Variants in NETO1 observed in about 807,000 individuals in gnomAD.
The protein encoded by NETO1 is neuropilin and tolloid like 1.
NETO1 carries 26 observed loss-of-function variants against 61.3 expected under a neutral mutation model. The ratio of observed to expected loss-of-function variants is 0.42; its 90% CI spans 0.31 to 0.59. The LOEUF (loss-of-function observed/expected upper bound fraction) is 0.59, where lower values mean the gene tolerates loss of function less well. Among genes scored for constraint, NETO1 ranks in the 20% least tolerant of loss-of-function variants. The pLI is 0.12. For missense variants in NETO1, 531 were observed against 662.8 expected (o/e 0.80, Z 2.18); for synonymous variants, 225 against 225.8 (o/e 1.00, Z 0.03).
chr18:72,853,982 G>GA (rs1476331373), intron 4 of NETO1, among the ~76,000 whole-genome samples: 1 of 151,972 alleles, frequency 6.6e-6, no homozygotes, highest in East Asian at 1.9e-4. Flanking sequence ...ATCCAAAGAG[G>GA]AAAAATATTG....
chr18:72,831,119 T>C (rs886402597), intron 4 of NETO1, among the ~76,000 whole-genome samples: 1 of 152,160 alleles, frequency 6.6e-6, no homozygotes, highest in African/African-American at 2.4e-5. Context: ...ACAGCCCATC[T>C]ATTCACTTGC....
intron 7 of NETO1, among the ~76,000 whole-genome samples, chr18:72,777,498 T>C (rs773943654): frequency 4.0e-5 from 6 of 151,012 alleles, no homozygotes; most frequent in South Asian, 2.1e-4. Flanking sequence ...TCCCAGCACT[T>C]TGGGATGCCG....
At position 72,794,171 on chromosome 18, in the gene NETO1, A is replaced by G. The variant is rs1428734584; in HGVS notation, c.585T>C (p.Thr195=). ...ACTTGCAATCAACAGCCTCGCTAGC[A>G]GTAGCTTTGCCTTCCTTCATAATTT... The part of the protein sequence containing the change: ...SIQIMKEGKA[T]ASEAVDCKWY... The change falls in exon 6 of 11, where the codon ACT becomes ACC. Residue 195 remains threonine (T), a synonymous_variant. Coordinates refer to ENST00000327305, the MANE Select transcript of NETO1 (RefSeq NM_138966.5). 6.2e-7 allele frequency: 1 copy of G among 1,614,188 alleles called. No individual in the cohort carries two copies. Among genetic ancestry groups the G allele is most frequent in the Non-Finnish European group, 8.5e-7 (1 of 1,180,032 alleles).
chr18:72,782,461 C>CT (rs1340183582), intron 7 of NETO1, among the ~76,000 whole-genome samples: 1 of 152,096 alleles, frequency 6.6e-6, no homozygotes, highest in Non-Finnish European at 1.5e-5. Context: ...TAAGTGTTCC[C>CT]TTTTTTCCCA....
At chr18:72,843,630 C>A (rs570577826) in intron 4 of NETO1, among the ~76,000 whole-genome samples, 1 of 152,280 alleles carries the variant, frequency 6.6e-6, no homozygotes, top group East Asian at 1.9e-4. Context: ...ACCAAGAAAG[C>A]TCCTTTTTTG....
chr18:72,758,353 C>G (rs1568175144), intron 7 of NETO1, among the ~76,000 whole-genome samples: 1 of 138,898 alleles, frequency 7.2e-6, no homozygotes, highest in Non-Finnish European at 1.6e-5. Flanking sequence ...TAGGAGTTAG[C>G]CTCCCTTTTG....
chr18:72,771,080 A>T (rs554550973), intron 7 of NETO1, among the ~76,000 whole-genome samples: 4 of 152,264 alleles, frequency 2.6e-5, no homozygotes, highest in African/African-American at 9.6e-5. Context: ...TTCCCTTAGG[A>T]TCCATTAAAT....
rs1426146242 is a variant in NETO1, at chr18:72,834,531, ATATAT to A, written c.469+24290_469+24294del. On this transcript the variant is annotated intron_variant, in intron 4 of 10. Coordinates refer to ENST00000327305, the MANE Select transcript of NETO1 (RefSeq NM_138966.5). ...TCAACTATTCTGAATATTAATTACTATATATAATATAAAAGCAATGAAAATCATGT... is the reference window on the plus strand; with the variant it reads ...TCAACTATTCTGAATATTAATTACTAAATATAAAAGCAATGAAAATCATGT... The A allele has an allele frequency of 4.2e-6, 4 of 958,604 alleles. No homozygotes were observed. In the African/African-American group the frequency reaches 7.1e-5, roughly 17 times the overall value. 59.4% of individuals were successfully genotyped at this position (958,604 alleles called of 1,614,324 possible). A position where few individuals can be genotyped will look rare whatever the true frequency, so the allele number is the denominator to read the frequency against.
intron 3 of NETO1, among the ~76,000 whole-genome samples, chr18:72,864,487 A>G (rs944436031): frequency 6.6e-6 from 1 of 152,242 alleles, no homozygotes; most frequent in African/African-American, 2.4e-5. Flanking sequence ...TCTCACACTT[A>G]CACAGTTAAT....
At chr18:72,761,928 C>T (rs2070987613) in intron 7 of NETO1, among the ~76,000 whole-genome samples, 1 of 152,146 alleles carries the variant, frequency 6.6e-6, no homozygotes, top group Admixed American at 6.6e-5. Context: ...CAGGGCCTTG[C>T]ACCCACTGAA....
At chr18:72,766,229 TGTGTG>T in intron 7 of NETO1, among the ~76,000 whole-genome samples, 1 of 118,820 alleles carries the variant, frequency 8.4e-6, no homozygotes, top group African/African-American at 2.9e-5. Flanking sequence ...TATGTGTGTG[TGTGTG>T]TGTGTGTGTG....
chr18:72,803,131 C>A (rs2072562158), intron 4 of NETO1, among the ~76,000 whole-genome samples: 1 of 152,110 alleles, frequency 6.6e-6, no homozygotes, highest in African/African-American at 2.4e-5. Context: ...AAACAACCGA[C>A]AATATTTGTT....
chr18:72,859,648 C>T (rs2074508834), intron 3 of NETO1, among the ~76,000 whole-genome samples: 1 of 152,126 alleles, frequency 6.6e-6, no homozygotes, highest in Admixed American at 6.5e-5. Context: ...ACACATTATC[C>T]GTTAAGAATA....
chr18:72,823,993 CTGACT>C (rs369610287), intron 4 of NETO1, among the ~76,000 whole-genome samples: 25 of 152,282 alleles, frequency 1.6e-4, no homozygotes, highest in African/African-American at 5.8e-4. Context: ...GTGACTTGGC[CTGACT>C]TGCGTTTTCA....
chr18:72,856,634 G>T (rs149691253), intron 4 of NETO1, among the ~76,000 whole-genome samples: 1,615 of 152,184 alleles, frequency 0.011, 11 homozygotes, highest in Non-Finnish European at 0.017. Context: ...CAAAATTTAC[G>T]TGATGCAAAG....
chr18:72,831,593 C>T (rs945010289), intron 4 of NETO1, among the ~76,000 whole-genome samples: 4 of 152,192 alleles, frequency 2.6e-5, no homozygotes, highest in Admixed American at 6.5e-5. Flanking sequence ...CACCCTCTCC[C>T]AATATACTTT....
chr18:72,804,831 T>C (rs1033315479), intron 4 of NETO1, among the ~76,000 whole-genome samples: 2 of 152,178 alleles, frequency 1.3e-5, no homozygotes, highest in African/African-American at 4.8e-5. Flanking sequence ...AAAACAATAG[T>C]TTTCCCCAAA....
chr18:72,824,635 C>T (rs774015336), intron 4 of NETO1, among the ~76,000 whole-genome samples: 25 of 151,538 alleles, frequency 1.6e-4, no homozygotes, highest in South Asian at 2.1e-4. Flanking sequence ...GAGGCCGAGG[C>T]GGGCAGATCA....
intron 4 of NETO1, among the ~76,000 whole-genome samples, chr18:72,813,142 G>A (rs1343280737): frequency 2.0e-5 from 3 of 152,080 alleles, no homozygotes; most frequent in African/African-American, 7.2e-5. Context: ...ATGATAAGAG[G>A]GACGATGCCT....
Sources: gnomAD v4.1 joint callset for allele counts (sites outside exome capture counted in the v4.1 genomes callset) on GRCh38, gnomAD v4.1.1 for gene constraint, MANE v1.5 for transcripts, NCBI Gene and HGNC (gene_info 2026-07-23, HGNC 2026-07-21) for gene names.